The following STRBP variants were observed in gnomAD, a reference collection of about 807,000 sequenced individuals.
STRBP encodes spermatid perinuclear RNA binding protein.
A neutral mutation model predicts 80.1 loss-of-function variants in STRBP; 13 were observed. The observed-to-expected ratio is 0.16, with a 90% CI of 0.11 to 0.26. The LOEUF (loss-of-function observed/expected upper bound fraction) is 0.26, where lower values mean the gene tolerates loss of function less well. STRBP is among the 10% of genes least tolerant of loss of function. The pLI is 1.00. For missense variants in STRBP, 485 were observed against 815.2 expected, an observed-to-expected ratio of 0.59 and a Z score of 4.93; for synonymous variants, 284 against 291.2, an observed-to-expected ratio of 0.98 and a Z score of 0.25.
intron 2 of STRBP, among the ~76,000 whole-genome samples, chr9:123,201,776 C>T (rs971415575): frequency 3.9e-5 from 6 of 152,178 alleles, no homozygotes; most frequent in East Asian, 3.8e-4. Context: ...TCTAGCATTT[C>T]GTTTAAGTCC....
intron 2 of STRBP, among the ~76,000 whole-genome samples, chr9:123,184,879 T>C (rs192232794): frequency 1.3e-5 from 2 of 152,312 alleles, no homozygotes; most frequent in East Asian, 1.9e-4. Context: ...TGCACTGCTA[T>C]GCCAGACTCC....
At position 123,182,889 on chromosome 9, in the gene STRBP, A is replaced by G. The variant is rs537778978; in HGVS notation, c.3+1243T>C. 2.6e-5 allele frequency among the ~76,000 whole-genome samples: 4 copies of G among 152,000 alleles called. No homozygotes were observed. In the East Asian group the frequency reaches 7.8e-4, roughly 30 times the overall value. ...TTGCCAGATGTGGTGGCATGCGCCT[A>G]TAAGGCCAAGCTACTTGGGAGGCTT... is the stretch of plus-strand genomic sequence containing the variant. On this transcript the variant is annotated intron_variant, in intron 3 of 18. Coordinates refer to ENST00000348403, the MANE Select transcript of STRBP (RefSeq NM_018387.5).
At chr9:123,145,048 C>G (rs1026969048) in intron 13 of STRBP, among the ~76,000 whole-genome samples, 3 of 152,180 alleles carry the variant, frequency 2.0e-5, no homozygotes, top group African/African-American at 2.4e-5. Flanking sequence ...TCACAAATTT[C>G]AAATTTACTA....
intron 13 of STRBP, among the ~76,000 whole-genome samples, chr9:123,142,757 C>G (rs1427661891): frequency 6.7e-6 from 1 of 149,846 alleles, no homozygotes; most frequent in Non-Finnish European, 1.5e-5. Flanking sequence ...TTTTTTTTTA[C>G]TGTTTTAACA....
chr9:123,218,368 T>G (rs1394400180), intron 2 of STRBP, among the ~76,000 whole-genome samples: 1 of 141,790 alleles, frequency 7.1e-6, no homozygotes, highest in East Asian at 2.1e-4. Flanking sequence ...TTTTTTTTTT[T>G]TTTTTTTTTT....
At chr9:123,264,104 G>A (rs976526193) in intron 1 of STRBP, among the ~76,000 whole-genome samples, 12 of 152,166 alleles carry the variant, frequency 7.9e-5, no homozygotes, top group Non-Finnish European at 1.5e-4. Flanking sequence ...ACTTGAACCC[G>A]GGAGGCGGAG....
rs576437611 is a variant in STRBP, at chr9:123,136,287, C to A, written c.1632+94G>T. The A allele has an allele frequency of 5.5e-5, 88 of 1,595,764 alleles. 1 individual carries two copies. Among genetic ancestry groups the A allele is most frequent in the South Asian group, 4.9e-4 (43 of 88,432 alleles). On this transcript the variant is annotated intron_variant, in intron 15 of 18. Coordinates refer to ENST00000348403, the MANE Select transcript of STRBP (RefSeq NM_018387.5). The surrounding 1 kb of genome is among the most constrained non-coding windows in gnomAD (Gnocchi z 4.2). ...AAACACCAAAAATCAAATAGTGCCA[C>A]AAGAACTGACTCAGTCTAAAACTTT...
chr9:123,257,699 T>C (rs1268734541), intron 1 of STRBP, among the ~76,000 whole-genome samples: 2 of 152,064 alleles, frequency 1.3e-5, no homozygotes, highest in Non-Finnish European at 1.5e-5. Flanking sequence ...ATGTCTGTAG[T>C]CCTAGCTACT....
Position 123,193,168 on chromosome 9 carries a change from A to G in STRBP, c.-164-8870T>C, listed in dbSNP as rs114138079. ...CCTTTGAGCCATCCAGCACTTTTTC[A>G]GCTTCCTTTATATTTCTATTACTCA... On this transcript the variant is annotated intron_variant, in intron 2 of 18. Coordinates refer to ENST00000348403, the MANE Select transcript of STRBP (RefSeq NM_018387.5). 3.0e-3 allele frequency among the ~76,000 whole-genome samples: 451 copies of G among 152,254 alleles called. 4 individuals are homozygous for G. The highest frequency in any genetic ancestry group is 0.01 in the African/African-American group (428 of 41,550).
chr9:123,173,845 A>G lies in STRBP; in HGVS notation c.225-3T>C. ...ACAATGTCCGACCACCTTGATCCCTAAAAATAAAAGTCTGCATGATTACTT... is the reference window on the plus strand; with the variant it reads ...ACAATGTCCGACCACCTTGATCCCTGAAAATAAAAGTCTGCATGATTACTT... On this transcript the variant is annotated splice_polypyrimidine_tract_variant and splice_region_variant and intron_variant, in intron 4 of 18. Transcript: ENST00000348403. The G allele has an allele frequency of 6.3e-7, 1 of 1,589,840 alleles. No individual in the cohort carries two copies. The highest frequency in any genetic ancestry group is 8.5e-7 in the Non-Finnish European group (1 of 1,172,378).
intron 1 of STRBP, among the ~76,000 whole-genome samples, chr9:123,247,705 G>A (rs1266669933): frequency 6.6e-6 from 1 of 152,198 alleles, no homozygotes; most frequent in African/African-American, 2.4e-5. Flanking sequence ...TGCAATGTGT[G>A]TAAAATGCAT....
At chr9:123,229,053 C>T (rs534463029) in intron 2 of STRBP, among the ~76,000 whole-genome samples, 22 of 152,108 alleles carry the variant, frequency 1.4e-4, no homozygotes, top group Non-Finnish European at 2.8e-4. Context: ...ACCTTGAAAA[C>T]ATTATGCTAA....
intron 4 of STRBP, among the ~76,000 whole-genome samples, chr9:123,177,632 G>A (rs1277163106): frequency 6.6e-6 from 1 of 152,148 alleles, no homozygotes; most frequent in Non-Finnish European, 1.5e-5. Context: ...TCCTGTACAA[G>A]TCTTTAAATC....
chr9:123,243,496 A>G (rs1588149352), intron 1 of STRBP, among the ~76,000 whole-genome samples: 1 of 152,304 alleles, frequency 6.6e-6, no homozygotes, highest in East Asian at 1.9e-4. Context: ...TTTTTGTTCT[A>G]TGAAAGACAC....
In STRBP at chr9:123,227,011, T is replaced by C. The variant is rs115957896; in HGVS notation, c.-165+9819A>G. Among the ~76,000 whole-genome samples, 154 of 152,324 alleles carry C rather than the reference T, an allele frequency of 1.0e-3. 1 individual carries two copies. The highest frequency in any genetic ancestry group is 3.3e-3 in the African/African-American group (138 of 41,580). ...AGATCTAATTCACAGCCTCAAGTTC[T>C]TTTATAATCAGCATTAATCCATTCG... On this transcript the variant is annotated intron_variant, in intron 2 of 18. Transcript: ENST00000348403.
chr9:123,220,447 A>G (rs979321724), intron 2 of STRBP, among the ~76,000 whole-genome samples: 1 of 152,250 alleles, frequency 6.6e-6, no homozygotes, highest in African/African-American at 2.4e-5. Context: ...AAGTACAGTA[A>G]AAATATGATA....
At chr9:123,232,861 A>T (rs1183227744) in intron 2 of STRBP, among the ~76,000 whole-genome samples, 1 of 152,202 alleles carries the variant, frequency 6.6e-6, no homozygotes, top group African/African-American at 2.4e-5. Flanking sequence ...TGTAGAAGAC[A>T]GCTGATTCTT....
intron 18 of STRBP, 62 bp from the exon 19 acceptor site, chr9:123,125,735 G>C: frequency 8.9e-6 from 12 of 1,344,962 alleles, no homozygotes; most frequent in Non-Finnish European, 1.1e-5. Flanking sequence ...AAAAATTTCA[G>C]GTAAAAAAAT....
At position 123,111,244 on chromosome 9, in the gene STRBP, C is replaced by T. The variant is rs543160536; in HGVS notation, c.*85-1491G>A. The T allele has an allele frequency of 4.3e-5, 8 of 185,848 alleles. No individual in the cohort carries two copies. In the South Asian group the frequency reaches 6.5e-4, roughly 15 times the overall value. The allele number at this position is 185,848 out of a possible 1,614,324, so 11.5% of individuals were successfully genotyped here. On this transcript the variant is annotated intron_variant and NMD_transcript_variant, in intron 3 of 3. Transcript: ENST00000471564. Reference sequence around the variant, plus strand: ...TGTGTCTGGATCGAGTGTCTTGCCACGGACCCACCACACCAAAATCCCTAA... The same window carrying T: ...TGTGTCTGGATCGAGTGTCTTGCCATGGACCCACCACACCAAAATCCCTAA...
Sources: gnomAD v4.1 joint callset for allele counts (sites outside exome capture counted in the v4.1 genomes callset) on GRCh38, gnomAD v4.1.1 for gene constraint, Gnocchi (gnomAD v3.1) non-coding constraint, MANE v1.5 for transcripts, NCBI Gene and HGNC (gene_info 2026-07-23, HGNC 2026-07-21) for gene names.